BMX: variants seen among roughly 807,000 people sequenced by gnomAD.
The protein encoded by BMX is BMX non-receptor tyrosine kinase, also known as cytoplasmic tyrosine-protein kinase BMX.
A neutral mutation model predicts 59.2 loss-of-function variants in BMX; 31 were observed. The ratio of observed to expected loss-of-function variants is 0.52; its 90% CI spans 0.39 to 0.71. BMX has a LOEUF of 0.71. Ranked by LOEUF, BMX falls within the 30% of genes least tolerant of loss-of-function variation. The probability of loss-of-function intolerance (pLI) is 0.00; values close to 1 mark genes in which losing one functional copy is unlikely to be tolerated. For synonymous variants in BMX, 185 were observed against 181.0 expected, an observed-to-expected ratio of 1.02 and a Z score of -0.18; for missense variants, 474 against 491.7, an observed-to-expected ratio of 0.96 and a Z score of 0.34.
chrX:15,507,289 T>C (rs929557373), intron 1 of BMX: 1 of 732,305 alleles, frequency 1.4e-6, no homozygotes, highest in Non-Finnish European at 1.6e-6. Context: ...TTTTAATGCA[T>C]GACCCTGGCA....
In BMX at chrX:15,550,456, G is replaced by A. The variant is rs186965944; in HGVS notation, c.1953+459G>A. 1.1e-3 allele frequency among the ~76,000 whole-genome samples: 120 copies of A among 110,459 alleles called. 1 individual carries two copies. The highest frequency in any genetic ancestry group is 1.7e-3 in the Non-Finnish European group (90 of 52,857). ...AACCACACGTAGAGAACACATAATG[G>A]ACACTATCCCATCTTCTCTCCCCCT... On this transcript the variant is annotated intron_variant, in intron 18 of 18. Transcript: ENST00000348343.
intron 9 of BMX, among the ~76,000 whole-genome samples, chrX:15,529,406 T>C (rs1232490749): frequency 4.5e-5 from 5 of 112,044 alleles, no homozygotes; most frequent in Non-Finnish European, 9.4e-5. Context: ...AAACCCATGC[T>C]ACATCCCACC....
At chrX:15,545,760 C>T (rs1286228844) in intron 16 of BMX, among the ~76,000 whole-genome samples, 1 of 110,940 alleles carries the variant, frequency 9.0e-6, no homozygotes, top group African/African-American at 3.3e-5. Flanking sequence ...TATTACCTGA[C>T]GGTCACCTAA....
intron 6 of BMX, among the ~76,000 whole-genome samples, chrX:15,521,747 TG>T (rs1413182011): frequency 1.8e-5 from 2 of 111,612 alleles, no homozygotes; most frequent in African/African-American, 3.3e-5. Flanking sequence ...AAGGCCATTT[TG>T]ATTACATCAG....
chrX:15,534,136 A>G (rs1925217261), intron 11 of BMX, 76 bp from the exon 12 acceptor site: 2 of 978,376 alleles, frequency 2.0e-6, no homozygotes, highest in Non-Finnish European at 2.7e-6. Flanking sequence ...AAATGCACCT[A>G]AAATAATTAT....
intron 3 of BMX, among the ~76,000 whole-genome samples, chrX:15,510,493 T>C (rs149300802): frequency 0.018 from 1,965 of 110,873 alleles, 41 homozygotes; most frequent in African/African-American, 0.06. Flanking sequence ...CTGGGCAACA[T>C]AGCGAGACCT....
At position 15,549,995 on chromosome X, in the gene BMX, G is replaced by A. The variant is rs1189561826; in HGVS notation, c.1951G>A (p.Glu651Lys). Residue 651 changes from glutamate (E) to lysine (K), a missense_variant and splice_region_variant, in exon 18 of 19, where the codon GAG becomes AAG. Physicochemically the swap from Glu to Lys is moderately conservative, Grantham distance 56 (BLOSUM62 1). Transcript: ENST00000348343. ...IYQIMYSCWH[E>K]LPEKRPTFQQ... ...CCAGATCATGTACAGCTGCTGGCACGAGGCAAGTGTATTCTCTGGGTGGGC... is the reference window on the plus strand; with the variant it reads ...CCAGATCATGTACAGCTGCTGGCACAAGGCAAGTGTATTCTCTGGGTGGGC... 5 of 1,199,826 alleles carry A rather than the reference G, an allele frequency of 4.2e-6. No individual in the cohort carries two copies. The highest frequency in any genetic ancestry group is 1.7e-5 in the African/African-American group (1 of 57,454).
chrX:15,509,487 T>C lies in BMX; in HGVS notation c.243+54T>C, dbSNP rs182581186. On this transcript the variant is annotated intron_variant, in intron 3 of 18. Transcript: ENST00000348343. ...TGGATAGTTCTTCCTTCAATTTTTCTATCGTGAACTCAATATATCTAGGAA... is the reference window on the plus strand; with the variant it reads ...TGGATAGTTCTTCCTTCAATTTTTCCATCGTGAACTCAATATATCTAGGAA... 1.9e-4 allele frequency: 149 copies of C among 792,310 alleles called. No homozygotes were observed. In the East Asian group the frequency reaches 4.8e-3, roughly 26 times the overall value. The allele number at this position is 792,310 out of a possible 1,213,427, so 65.3% of individuals were successfully genotyped here. A position where few individuals can be genotyped will look rare whatever the true frequency, so the allele number is the denominator to read the frequency against.
At chrX:15,520,490 T>C (rs1175204441) in intron 6 of BMX, among the ~76,000 whole-genome samples, 3 of 111,798 alleles carry the variant, frequency 2.7e-5, no homozygotes, top group African/African-American at 9.8e-5. Context: ...GTCACTGAAT[T>C]CTGCACTTTA....
In BMX at chrX:15,534,343, A is replaced by G. The variant is rs1439942596; in HGVS notation, c.1147+4A>G. 1 of 1,155,794 alleles carries G rather than the reference A, an allele frequency of 8.7e-7. No individual in the cohort carries two copies. The highest frequency in any genetic ancestry group is 3.2e-5 in the East Asian group (1 of 31,182). ...TATCATCAACACAATTCAGCAGGTAACTTATTTTAGTTTTTCTTTTATGGG... is the reference window on the plus strand; with the variant it reads ...TATCATCAACACAATTCAGCAGGTAGCTTATTTTAGTTTTTCTTTTATGGG... On this transcript the variant is annotated splice_donor_region_variant and intron_variant, in intron 12 of 18. Coordinates refer to ENST00000348343, the MANE Select transcript of BMX (RefSeq NM_203281.3).
In BMX at chrX:15,556,009, T is replaced by C. The variant is rs1178489928; in HGVS notation, c.1954-64T>C. On this transcript the variant is annotated intron_variant, in intron 18 of 18. Coordinates refer to ENST00000348343, the MANE Select transcript of BMX (RefSeq NM_203281.3). ...AGGACTTAGATGTAAATATTTTATATATTTTATCATTGATCATAACTCTCA... is the reference window on the plus strand; with the variant it reads ...AGGACTTAGATGTAAATATTTTATACATTTTATCATTGATCATAACTCTCA... 3.9e-6 allele frequency: 4 copies of C among 1,025,266 alleles called. No individual in the cohort carries two copies. The East Asian group carries it at 1.2e-4, about 32-fold the overall frequency. 84.5% of individuals were successfully genotyped at this position (1,025,266 alleles called of 1,213,427 possible). A position where few individuals can be genotyped will look rare whatever the true frequency, so the allele number is the denominator to read the frequency against.
At chrX:15,553,309 T>A (rs1926281783) in intron 18 of BMX, among the ~76,000 whole-genome samples, 1 of 111,936 alleles carries the variant, frequency 8.9e-6, no homozygotes, top group Admixed American at 9.5e-5. Context: ...CGCTTTTTTT[T>A]AATTTGGTGC....
intron 1 of BMX, among the ~76,000 whole-genome samples, chrX:15,502,595 TG>T (rs761372769): frequency 2.0e-4 from 22 of 112,005 alleles, no homozygotes; most frequent in Non-Finnish European, 3.9e-4. Flanking sequence ...AGAATTTGAC[TG>T]TCAATGTTAA....
chrX:15,551,542 TA>T (rs777452812), intron 18 of BMX, among the ~76,000 whole-genome samples: 3 of 56,940 alleles, frequency 5.3e-5, no homozygotes, highest in Non-Finnish European at 7.0e-5. Flanking sequence ...TATATATATA[TA>T]TTTTTTTTTT....
chrX:15,525,503 C>T (rs1924671672), intron 8 of BMX, 138 bp downstream of exon 8: 5 of 565,952 alleles, frequency 8.8e-6, no homozygotes, highest in Non-Finnish European at 1.4e-5. Flanking sequence ...TAGTTTGCCT[C>T]TCTGAACCCT....
chrX:15,516,419 C>T (rs1924159818), intron 5 of BMX, among the ~76,000 whole-genome samples, 188 bp downstream of exon 5: 1 of 112,111 alleles, frequency 8.9e-6, no homozygotes, highest in Non-Finnish European at 1.9e-5. Flanking sequence ...GAGTCATGGC[C>T]ATTAAGATAA....
intron 1 of BMX, among the ~76,000 whole-genome samples, chrX:15,506,508 AC>A (rs780295088): frequency 2.4e-3 from 265 of 112,098 alleles, no homozygotes; most frequent in African/African-American, 8.1e-3. Flanking sequence ...AAAGTACCCT[AC>A]AACCATGTCC....
At chrX:15,507,391 C>T (rs1190703690) in intron 1 of BMX, 4 of 751,738 alleles carry the variant, frequency 5.3e-6, no homozygotes, top group Non-Finnish European at 6.3e-6. Context: ...ATGTATACTT[C>T]GGCTCTAGCG....
intron 18 of BMX, among the ~76,000 whole-genome samples, chrX:15,553,417 G>C (rs112590632): frequency 0.018 from 2,019 of 111,528 alleles, 44 homozygotes; most frequent in African/African-American, 0.061. Flanking sequence ...TTACACCTAG[G>C]CCAAGTACCA....
Sources: allele counts gnomAD v4.1 joint callset (sites outside exome capture counted in the v4.1 genomes callset), GRCh38; gene constraint gnomAD v4.1.1; transcripts MANE v1.5; gene names NCBI Gene and HGNC (gene_info 2026-07-23, HGNC 2026-07-21).